Variants in TGFBR2 observed in about 807,000 individuals in gnomAD.
TGFBR2 encodes the protein TGF-beta receptor type-2.
A neutral mutation model predicts 49.0 loss-of-function variants in TGFBR2; 18 were observed. The observed-to-expected ratio is 0.37, with a 90% confidence interval of 0.25 to 0.54. The LOEUF (loss-of-function observed/expected upper bound fraction) is 0.54. TGFBR2 is among the 20% of genes least tolerant of loss of function. The pLI, the probability that TGFBR2 is intolerant of heterozygous loss-of-function variation, is 0.85. For missense variants in TGFBR2, 525 were observed against 722.6 expected (o/e 0.73, Z 3.13); for synonymous variants, 282 against 275.9 (o/e 1.02, Z -0.22).
intron 3 of TGFBR2, among the ~76,000 whole-genome samples, chr3:30,670,136 T>G (rs1201637006): frequency 2.6e-5 from 4 of 152,170 alleles, no homozygotes; most frequent in African/African-American, 9.7e-5. Context: ...TAATTGCTCT[T>G]CCTTAAGTAG....
At chr3:30,675,456 G>A (rs1039834747) in intron 5 of TGFBR2, among the ~76,000 whole-genome samples, 3 of 150,068 alleles carry the variant, frequency 2.0e-5, no homozygotes, top group Non-Finnish European at 2.9e-5. Flanking sequence ...GCGCAATCTC[G>A]GCTGACTGCA....
intron 1 of TGFBR2, chr3:30,623,403 A>G (rs914938637): frequency 1.6e-6 from 2 of 1,232,342 alleles, no homozygotes; most frequent in African/African-American, 3.0e-5. Context: ...TCATAGCTAA[A>G]TTGTTAAAGA....
Position 30,692,976 on chromosome 3 carries a change from C to A in TGFBR2, c.*1377C>A. ...CTCTTTCCACTGCCTACCTGGACCC[C>A]AGTCTAGGAATTAAATCTGCACCTA... On this transcript the variant is annotated 3_prime_UTR_variant, in exon 7 of 7. Coordinates refer to ENST00000295754, the MANE Select transcript of TGFBR2 (RefSeq NM_003242.6). 1 of 233,234 alleles carries A rather than the reference C, an allele frequency of 4.3e-6. No homozygotes were observed. Among genetic ancestry groups the A allele is most frequent in the East Asian group, 6.0e-5 (1 of 16,684 alleles). 14.4% of individuals were successfully genotyped at this position (233,234 alleles called of 1,614,324 possible).
intron 1 of TGFBR2, among the ~76,000 whole-genome samples, chr3:30,618,800 G>C (rs745592850): frequency 6.6e-6 from 1 of 152,186 alleles, no homozygotes; most frequent in Non-Finnish European, 1.5e-5. Context: ...TTTGTCTGAT[G>C]CTCAGTGAAG....
Position 30,692,258 on chromosome 3 carries a change from TC to T in TGFBR2, c.*662del. On this transcript the variant is annotated 3_prime_UTR_variant, in exon 7 of 7. Coordinates refer to ENST00000295754, the MANE Select transcript of TGFBR2 (RefSeq NM_003242.6). The stretch of plus-strand genomic sequence containing the variant: ...AGTGGCACTGTTTGAGGACCAGTGT[TC>T]CCGGGGTTCCTGTGTGCCCTTATTT... 1 of 229,688 alleles carries T rather than the reference TC, an allele frequency of 4.4e-6. No individual in the cohort carries two copies. The highest frequency in any genetic ancestry group is 8.7e-6 in the Non-Finnish European group (1 of 115,532). 14.2% of individuals were successfully genotyped at this position (229,688 alleles called of 1,614,324 possible).
intron 1 of TGFBR2, among the ~76,000 whole-genome samples, chr3:30,607,799 A>AAAAAAAAT (rs1367214755): frequency 2.9e-5 from 4 of 138,320 alleles, no homozygotes; most frequent in South Asian, 2.3e-4. Context: ...AAAATAAAAA[A>AAAAAAAAT]ATATATATAT....
rs532377565 is a variant in TGFBR2 at position 30,658,383 on chromosome 3, A to G, written c.454+7923A>G. Among the ~76,000 whole-genome samples, 5 of 152,032 alleles carry G rather than the reference A, an allele frequency of 3.3e-5. No individual in the cohort carries two copies. In the East Asian group the frequency reaches 9.7e-4, roughly 29 times the overall value. On this transcript the variant is annotated intron_variant, in intron 3 of 6. Coordinates refer to ENST00000295754, the MANE Select transcript of TGFBR2 (RefSeq NM_003242.6). ...TCCTGTCTTGACTGTATCTTCTTTC[A>G]CTGTGTTTTTTGTTGTTGTCGTTGT...
At chr3:30,663,989 G>A (rs1391251046) in intron 3 of TGFBR2, among the ~76,000 whole-genome samples, 1 of 127,814 alleles carries the variant, frequency 7.8e-6, no homozygotes, top group Non-Finnish European at 1.6e-5. Context: ...GGGGGGGGGA[G>A]TTGGGGGGGC....
intron 1 of TGFBR2, among the ~76,000 whole-genome samples, chr3:30,622,962 G>T (rs1175323363): frequency 6.9e-6 from 1 of 144,646 alleles, no homozygotes; most frequent in African/African-American, 2.6e-5. Context: ...ACAGAAAAAA[G>T]AAGTGATTTG....
rs2125415839 is a variant in TGFBR2, at chr3:30,655,665, T to C, written c.454+5205T>C. On this transcript the variant is annotated intron_variant, in intron 3 of 6. Transcript: ENST00000295754. The stretch of plus-strand genomic sequence containing the variant: ...TCATTTTTTCCATGGAAAGCTTGCT[T>C]TGGGCCACAAGGCCTTCTCTTTGAA... 2.6e-5 allele frequency among the ~76,000 whole-genome samples: 4 copies of C among 152,314 alleles called. No individual in the cohort carries two copies. The South Asian group carries it at 8.3e-4, about 32-fold the overall frequency.
chr3:30,616,021 G>GTGTAAGCCAC (rs1698125862), intron 1 of TGFBR2, among the ~76,000 whole-genome samples: 1 of 152,076 alleles, frequency 6.6e-6, no homozygotes, highest in Non-Finnish European at 1.5e-5. Flanking sequence ...AGGATTACAG[G>GTGTAAGCCAC]TGTAAGCCAC....
At chr3:30,634,563 T>A (rs1351090093) in intron 1 of TGFBR2, among the ~76,000 whole-genome samples, 2 of 152,186 alleles carry the variant, frequency 1.3e-5, no homozygotes, top group Non-Finnish European at 1.5e-5. Flanking sequence ...TTGACTAATT[T>A]TGCTGGTAAG....
At chr3:30,681,160 GAAAAAAAAAA>G (rs55729736) in intron 5 of TGFBR2, among the ~76,000 whole-genome samples, 1 of 83,004 alleles carries the variant, frequency 1.2e-5, no homozygotes, top group South Asian at 3.6e-4. Flanking sequence ...CTTGTGAGAT[GAAAAAAAAAA>G]AAAAAAAAAA....
At position 30,676,154 on chromosome 3, in the gene TGFBR2, G is replaced by A. The variant is rs372150901; in HGVS notation, c.1396+1908G>A. On this transcript the variant is annotated intron_variant, in intron 5 of 6. Transcript: ENST00000295754. The surrounding 1 kb of genome is among the most constrained non-coding windows in gnomAD (Gnocchi z 4.3). ...ATGATAGTGTGCCTATCTTCAGTGCGTCATATCAGGGGGAATAAGATGTCC... is the reference window on the plus strand; with the variant it reads ...ATGATAGTGTGCCTATCTTCAGTGCATCATATCAGGGGGAATAAGATGTCC... Among the ~76,000 whole-genome samples the A allele has an allele frequency of 8.3e-4, 126 of 152,278 alleles. No homozygotes were observed. The highest frequency in any genetic ancestry group is 2.8e-3 in the African/African-American group (115 of 41,554).
At chr3:30,632,985 C>T (rs780750615) in intron 1 of TGFBR2, among the ~76,000 whole-genome samples, 1 of 152,164 alleles carries the variant, frequency 6.6e-6, no homozygotes, top group Non-Finnish European at 1.5e-5. Flanking sequence ...CTTATTGCTT[C>T]CCCACCCCTT....
intron 1 of TGFBR2, among the ~76,000 whole-genome samples, chr3:30,631,539 G>A (rs530967251): frequency 4.6e-5 from 7 of 151,746 alleles, no homozygotes; most frequent in African/African-American, 7.3e-5. Flanking sequence ...CCCAGTTTAA[G>A]GGCAGATTCT....
At chr3:30,680,409 C>T (rs1397826164) in intron 5 of TGFBR2, among the ~76,000 whole-genome samples, 1 of 152,126 alleles carries the variant, frequency 6.6e-6, no homozygotes, top group Non-Finnish European at 1.5e-5. Flanking sequence ...TTTATTCATT[C>T]ATTCACTCAA....
At chr3:30,637,018 C>T (rs1308703753) in intron 1 of TGFBR2, among the ~76,000 whole-genome samples, 7 of 149,402 alleles carry the variant, frequency 4.7e-5, no homozygotes, top group South Asian at 2.1e-4. Context: ...GAGCCGAGAT[C>T]GCGCCACTGC....
At chr3:30,659,888 A>C (rs915616770) in intron 3 of TGFBR2, among the ~76,000 whole-genome samples, 1 of 151,550 alleles carries the variant, frequency 6.6e-6, no homozygotes, top group African/African-American at 2.4e-5. Context: ...CCACCAGGGG[A>C]AAAAAAAGGC....
Sources: gnomAD v4.1 joint callset for allele counts (sites outside exome capture counted in the v4.1 genomes callset) on GRCh38, gnomAD v4.1.1 for gene constraint, Gnocchi (gnomAD v3.1) non-coding constraint, MANE v1.5 for transcripts, NCBI Gene and HGNC (gene_info 2026-07-23, HGNC 2026-07-21) for gene names.